PCYT1B: variants seen among roughly 807,000 people sequenced by gnomAD.
PCYT1B encodes phosphate cytidylyltransferase 1B, choline, also known as choline-phosphate cytidylyltransferase B.
Under a neutral mutation model 26.4 loss-of-function variants are expected in PCYT1B, and 10 were observed. The ratio of observed to expected loss-of-function variants is 0.38; its 90% CI spans 0.23 to 0.64. The LOEUF is 0.64. PCYT1B is among the 30% of genes least tolerant of loss of function. The probability of loss-of-function intolerance (pLI) is 0.56; values close to 1 mark genes in which losing one functional copy is unlikely to be tolerated. For synonymous variants in PCYT1B, 131 were observed against 108.4 expected, an observed-to-expected ratio of 1.21 and a Z score of -1.29; for missense variants, 161 against 292.7, an observed-to-expected ratio of 0.55 and a Z score of 3.28.
intron 6 of PCYT1B, among the ~76,000 whole-genome samples, chrX:24,578,489 T>C (rs1005976827): frequency 2.7e-5 from 3 of 112,163 alleles, no homozygotes; most frequent in African/African-American, 6.5e-5. Context: ...AATATTGTTT[T>C]AACAGTTGCT....
chrX:24,662,984 G>A (rs1927058122), intron 1 of PCYT1B, among the ~76,000 whole-genome samples: 1 of 111,846 alleles, frequency 8.9e-6, no homozygotes, highest in African/African-American at 3.3e-5. Flanking sequence ...TGACACCCAT[G>A]ACAAACAATT....
chrX:24,639,408 C>T (rs906941610), intron 1 of PCYT1B, among the ~76,000 whole-genome samples: 25 of 112,174 alleles, frequency 2.2e-4, no homozygotes, highest in Middle Eastern at 9.3e-3. Context: ...GTCCTTTCAC[C>T]GTGGGCTAGT....
intron 4 of PCYT1B, 59 bp from the exon 5 acceptor site, chrX:24,587,378 T>A (rs755353758): frequency 1.9e-5 from 15 of 774,586 alleles, no homozygotes; most frequent in Non-Finnish European, 2.6e-5. Flanking sequence ...GTCTGCAGAT[T>A]TGAAGGGGGG....
At chrX:24,576,801 G>A (rs1322623012) in intron 6 of PCYT1B, among the ~76,000 whole-genome samples, 1 of 111,022 alleles carries the variant, frequency 9.0e-6, no homozygotes, top group Non-Finnish European at 1.9e-5. Context: ...GACCTTAGGT[G>A]AGTTGTTCAA....
intron 1 of PCYT1B, among the ~76,000 whole-genome samples, chrX:24,629,751 C>T (rs1926007362): frequency 9.1e-6 from 1 of 109,616 alleles, no homozygotes; most frequent in South Asian, 4.0e-4. Flanking sequence ...GAGATACAGG[C>T]TTCCTTAAAA....
intron 1 of PCYT1B, among the ~76,000 whole-genome samples, chrX:24,630,053 C>G (rs1926018241): frequency 9.0e-6 from 1 of 111,286 alleles, no homozygotes; most frequent in Non-Finnish European, 1.9e-5. Flanking sequence ...TGCATAGATG[C>G]TATTAACAAT....
intron 2 of PCYT1B, among the ~76,000 whole-genome samples, chrX:24,612,867 A>G (rs1207048544): frequency 8.9e-6 from 1 of 112,469 alleles, no homozygotes; most frequent in Non-Finnish European, 1.9e-5. Flanking sequence ...TTCAAGCAAC[A>G]ATAAAATAGT....
rs1355890110 is a variant in PCYT1B at position 24,559,422 on chromosome X, G to GAA, written c.*2869_*2870dup. The GAA allele has an allele frequency of 1.2e-5, 1 of 80,214 alleles. No individual in the cohort carries two copies. The highest frequency in any genetic ancestry group is 3.8e-4 in the East Asian group (1 of 2,630). The allele number at this position is 80,214 out of a possible 1,213,427, so 6.6% of individuals were successfully genotyped here. A position where few individuals can be genotyped will look rare whatever the true frequency, so the allele number is the denominator to read the frequency against. ...GAAAGAAAAAGAGGAAAGAAAAAGA[G>GAA]AAAGAAGAAAGAAAAAGAAAGAGAG... On this transcript the variant is annotated 3_prime_UTR_variant, in exon 8 of 8. Transcript: ENST00000379144.
At chrX:24,622,127 T>C (rs1925719878) in intron 1 of PCYT1B, among the ~76,000 whole-genome samples, 1 of 112,085 alleles carries the variant, frequency 8.9e-6, no homozygotes, top group South Asian at 3.7e-4. Context: ...CTATTTCTTG[T>C]TATGTATAAA....
chrX:24,629,579 A>AAAAC (rs1925991862), intron 1 of PCYT1B, among the ~76,000 whole-genome samples: 2 of 100,119 alleles, frequency 2.0e-5, no homozygotes, highest in Non-Finnish European at 4.1e-5. Flanking sequence ...AAAAAAAAAA[A>AAAAC]AAAAAAAAAA....
At chrX:24,614,176 T>C (rs1274948503) in intron 2 of PCYT1B, among the ~76,000 whole-genome samples, 1 of 111,277 alleles carries the variant, frequency 9.0e-6, no homozygotes, top group Non-Finnish European at 1.9e-5. Context: ...TTCTGATTGC[T>C]TTTTTGATTT....
intron 2 of PCYT1B, among the ~76,000 whole-genome samples, chrX:24,614,738 C>T: frequency 8.9e-6 from 1 of 111,965 alleles, no homozygotes; most frequent in Non-Finnish European, 1.9e-5. Context: ...AACTCTTGAA[C>T]AAACCCTTCA....
chrX:24,624,186 G>T (rs770774516), intron 1 of PCYT1B, among the ~76,000 whole-genome samples: 2 of 110,010 alleles, frequency 1.8e-5, no homozygotes, highest in Non-Finnish European at 3.8e-5. Flanking sequence ...AACCAGGATG[G>T]TCTTGATCTC....
chrX:24,623,220 C>G (rs990452770), intron 1 of PCYT1B, among the ~76,000 whole-genome samples: 1 of 109,538 alleles, frequency 9.1e-6, no homozygotes, highest in African/African-American at 3.3e-5. Context: ...TCAATAACGT[C>G]AGATTTGGGG....
At chrX:24,567,820 G>T (rs1015899654) in intron 7 of PCYT1B, among the ~76,000 whole-genome samples, 34 of 110,420 alleles carry the variant, frequency 3.1e-4, no homozygotes, top group Non-Finnish European at 4.4e-4. Flanking sequence ...ATGGTGGCGG[G>T]TGTCTGTAAT....
chrX:24,625,951 T>G (rs533689279), intron 1 of PCYT1B, among the ~76,000 whole-genome samples: 9 of 107,708 alleles, frequency 8.4e-5, no homozygotes, highest in African/African-American at 3.0e-4. Flanking sequence ...CTATTTCTAC[T>G]AAAAATACAA....
chrX:24,623,445 C>T (rs1925770445), intron 1 of PCYT1B, among the ~76,000 whole-genome samples: 1 of 103,443 alleles, frequency 9.7e-6, no homozygotes, highest in Non-Finnish European at 2.0e-5. Context: ...TAGCAGAAGA[C>T]AGCAAGGATC....
Position 24,561,529 on chromosome X carries a change from T to C in PCYT1B, c.*764A>G, listed in dbSNP as rs1484025742. On this transcript the variant is annotated 3_prime_UTR_variant, in exon 8 of 8. Coordinates refer to ENST00000379144, the MANE Select transcript of PCYT1B (RefSeq NM_004845.5). ...CTCCTCTTTTTTATATATTAGGAAG[T>C]TTTTCTTTGTTGCAGTTCCCACGGA... 8.9e-6 allele frequency: 1 copy of C among 112,162 alleles called. No homozygotes were observed. The highest frequency in any genetic ancestry group is 9.5e-5 in the Admixed American group (1 of 10,511). 9.2% of individuals were successfully genotyped at this position (112,162 alleles called of 1,213,427 possible). A position where few individuals can be genotyped will look rare whatever the true frequency, so the allele number is the denominator to read the frequency against.
intron 1 of PCYT1B, among the ~76,000 whole-genome samples, chrX:24,654,749 CAAAAAAAAAAAAA>C (rs574317952): frequency 2.5e-5 from 1 of 40,046 alleles, no homozygotes; most frequent in South Asian, 3.0e-3. Context: ...GACCCTGTCT[CAAAAAAAAAAAAA>C]AAAAAAAAAA....
Sources: gnomAD v4.1 joint callset for allele counts (sites outside exome capture counted in the v4.1 genomes callset) on GRCh38, gnomAD v4.1.1 for gene constraint, MANE v1.5 for transcripts, NCBI Gene and HGNC (gene_info 2026-07-23, HGNC 2026-07-21) for gene names.